R3HCC1: variants seen among roughly 807,000 people sequenced by gnomAD.
R3HCC1 encodes the protein R3H domain and coiled-coil containing 1, also known as R3H and coiled-coil domain-containing protein 1.
R3HCC1 carries 32 observed loss-of-function variants against 40.0 expected under a neutral mutation model. That is an observed-to-expected ratio of 0.80 (90% confidence interval 0.60 to 1.07). The LOEUF (loss-of-function observed/expected upper bound fraction) is 1.07, where lower values mean the gene tolerates loss of function less well. Ranked by LOEUF, R3HCC1 falls within the 50% of genes least tolerant of loss-of-function variation. R3HCC1 has a pLI of 0.00. For synonymous variants in R3HCC1, 237 were observed against 232.8 expected (o/e 1.02, Z -0.17); for missense variants, 586 against 563.3 (o/e 1.04, Z -0.41).
chr8:23,296,135 C>T lies in R3HCC1; in HGVS notation c.*38C>T, dbSNP rs573242608. ...CAACTGGCCTGGATCTGCGTCCCGA[C>T]GTAGCTGGCGCCCCCAACACCATAA... On this transcript the variant is annotated 3_prime_UTR_variant, in exon 8 of 8. Transcript: ENST00000265806. 98 of 1,529,796 alleles carry T rather than the reference C, an allele frequency of 6.4e-5. No homozygotes were observed. In the Admixed American group the frequency reaches 9.7e-4, roughly 15 times the overall value. The allele number at this position is 1,529,796 out of a possible 1,614,324, so 94.8% of individuals were successfully genotyped here.
chr8:23,292,135 T>C (rs1487508170), intron 5 of R3HCC1, among the ~76,000 whole-genome samples: 1 of 152,168 alleles, frequency 6.6e-6, no homozygotes, highest in East Asian at 1.9e-4. Context: ...TTCTTTCTCC[T>C]CTTTTTTTTT....
intron 5 of R3HCC1, 106 bp downstream of exon 5, chr8:23,291,639 G>C (rs1228031236): frequency 2.7e-6 from 4 of 1,481,664 alleles, no homozygotes; most frequent in Non-Finnish European, 3.6e-6. Context: ...GCTTCAGCAA[G>C]AGAGACAGAA....
At chr8:23,295,925 C>G (rs369282855) in intron 7 of R3HCC1, 42 bp from the exon 8 acceptor site, 1 of 1,516,726 alleles carries the variant, frequency 6.6e-7, no homozygotes, top group Non-Finnish European at 8.9e-7. Context: ...GAGGCAGCCA[C>G]GACCTTGTGT....
At chr8:23,291,886 C>A (rs970236136) in intron 5 of R3HCC1, among the ~76,000 whole-genome samples, 6 of 152,168 alleles carry the variant, frequency 3.9e-5, no homozygotes, top group Non-Finnish European at 8.8e-5. Flanking sequence ...CAGTGTGTCT[C>A]CAGCAGGCTA....
chr8:23,294,923 A>G (rs1157272173), intron 7 of R3HCC1, 59 bp downstream of exon 7: 11 of 1,215,010 alleles, frequency 9.1e-6, no homozygotes, highest in South Asian at 1.3e-5. Context: ...GCGTGCGAGC[A>G]TGTGTGTGTG....
rs1802832353 is a variant in R3HCC1, at chr8:23,290,165, G to A, written c.548G>A (p.Gly183Glu). Reference sequence around the variant, plus strand: ...GCTGGAGACCCCAACTCTGATCAGGGACTCCCTGTGCTGATGACTCAGGGA... The same window carrying A: ...GCTGGAGACCCCAACTCTGATCAGGAACTCCCTGTGCTGATGACTCAGGGA... The change falls in exon 4 of 8, where the codon GGA (glycine) becomes GAA (glutamate). Residue 183 changes from glycine to glutamate, a missense_variant. By Grantham distance (98) the Gly-to-Glu change is moderately conservative. Transcript: ENST00000265806. 5 of 1,551,538 alleles carry A rather than the reference G, an allele frequency of 3.2e-6. No homozygotes were observed. The highest frequency in any genetic ancestry group is 1.4e-5 in the African/African-American group (1 of 73,050).
In R3HCC1 at chr8:23,293,306, G is replaced by GA. The variant is rs1802912639; in HGVS notation, c.1031dup (p.Phe346ValfsTer8). On this transcript the variant is annotated frameshift_variant, in exon 6 of 8. Coordinates refer to ENST00000265806, the MANE Select transcript of R3HCC1 (RefSeq NM_001136108.3). LOFTEE classifies it high-confidence loss of function. ...TGTCTCCTCTCTCGCCGCACAGAGA[G>GA]AAGGGGTTCAGGATTCAGTGGGTGG... 1 of 1,551,448 alleles carries GA rather than the reference G, an allele frequency of 6.4e-7. No individual in the cohort carries two copies. Among genetic ancestry groups the GA allele is most frequent in the Admixed American group, 2.0e-5 (1 of 51,002 alleles).
rs891968939 is a variant in R3HCC1, at chr8:23,296,264, C to T, written c.*167C>T. 4 of 826,238 alleles carry T rather than the reference C, an allele frequency of 4.8e-6. No individual in the cohort carries two copies. The highest frequency in any genetic ancestry group is 2.9e-5 in the East Asian group (1 of 35,040). 51.2% of individuals were successfully genotyped at this position (826,238 alleles called of 1,614,324 possible). On this transcript the variant is annotated 3_prime_UTR_variant, in exon 8 of 8. Transcript: ENST00000265806. ...GAAATGGAGAAAAAATAAAAACTCA[C>T]GTTGTTCTAATGTGATCACTTTGAA...
chr8:23,296,213 G>C lies in R3HCC1; in HGVS notation c.*116G>C. 8 of 1,243,720 alleles carry C rather than the reference G, an allele frequency of 6.4e-6. No homozygotes were observed. Among genetic ancestry groups the C allele is most frequent in the Non-Finnish European group, 8.6e-6 (8 of 925,730 alleles). The allele number at this position is 1,243,720 out of a possible 1,614,324, so 77.0% of individuals were successfully genotyped here. A position where few individuals can be genotyped will look rare whatever the true frequency, so the allele number is the denominator to read the frequency against. ...CACCACCCTCGAGCTTCACCATGGGGTGTGGTGGGCTTTAGTTTAGTCCCA... is the reference window on the plus strand; with the variant it reads ...CACCACCCTCGAGCTTCACCATGGGCTGTGGTGGGCTTTAGTTTAGTCCCA... On this transcript the variant is annotated 3_prime_UTR_variant, in exon 8 of 8. Transcript: ENST00000265806.
intron 5 of R3HCC1, among the ~76,000 whole-genome samples, 166 bp downstream of exon 5, chr8:23,291,699 G>A (rs941307109): frequency 6.6e-6 from 1 of 152,242 alleles, no homozygotes; most frequent in Admixed American, 6.5e-5. Context: ...CTCCCTGCCG[G>A]CCGTCCCTCG....
At chr8:23,290,803 G>C (rs902807061) in intron 4 of R3HCC1, among the ~76,000 whole-genome samples, 1 of 152,166 alleles carries the variant, frequency 6.6e-6, no homozygotes, top group East Asian at 1.9e-4. Flanking sequence ...CTTGTGTTAC[G>C]GATGCCAGTC....
intron 6 of R3HCC1, among the ~76,000 whole-genome samples, chr8:23,294,169 G>A (rs901144479): frequency 2.6e-5 from 4 of 152,134 alleles, no homozygotes; most frequent in Non-Finnish European, 5.9e-5. Flanking sequence ...TTGTGGAAAG[G>A]AAGGCAGGGA....
At chr8:23,292,131 C>T (rs1178922253) in intron 5 of R3HCC1, among the ~76,000 whole-genome samples, 1 of 151,948 alleles carries the variant, frequency 6.6e-6, no homozygotes, top group South Asian at 2.1e-4. Context: ...GGCTTTCTTT[C>T]TCCTCTTTTT....
At chr8:23,291,286 T>A in intron 4 of R3HCC1, 75 bp from the exon 5 acceptor site, 1 of 1,490,268 alleles carries the variant, frequency 6.7e-7, no homozygotes, top group Non-Finnish European at 9.0e-7. Context: ...CCTGCAGAGC[T>A]CTCAGCGCGT....
At chr8:23,293,494 G>A in intron 6 of R3HCC1, 121 bp downstream of exon 6, 1 of 731,046 alleles carries the variant, frequency 1.4e-6, no homozygotes, top group Non-Finnish European at 2.2e-6. Flanking sequence ...AGTAGGCTCT[G>A]GGGGTTTTGT....
intron 7 of R3HCC1, 70 bp downstream of exon 7, chr8:23,294,934 T>TGC (rs1563180850): frequency 1.8e-6 from 2 of 1,101,624 alleles, no homozygotes; most frequent in African/African-American, 1.6e-5. Context: ...TGTGTGTGTG[T>TGC]GCGTGTGTGT....
At chr8:23,295,556 T>C (rs1802990189) in intron 7 of R3HCC1, 2 of 463,442 alleles carry the variant, frequency 4.3e-6, no homozygotes, top group Admixed American at 4.8e-5. Context: ...CCAGCTGTGC[T>C]CTCGTGGGTG....
chr8:23,288,959 C>T, intron 2 of R3HCC1, 57 bp from the exon 3 acceptor site: 3 of 1,524,848 alleles, frequency 2.0e-6, no homozygotes, highest in South Asian at 2.4e-5. Context: ...TGGGAGTGGA[C>T]CTGGTAGGGG....
rs766172645 is a variant in R3HCC1, at chr8:23,288,460, C to T, written c.-18-46C>T. The stretch of plus-strand genomic sequence containing the variant: ...CGGCGTTGCGGGGTCGCGGGAGATC[C>T]GGGGGTCTGTGCTCTGATTCCCGGC... On this transcript the variant is annotated intron_variant, in intron 1 of 7. Coordinates refer to ENST00000265806, the MANE Select transcript of R3HCC1 (RefSeq NM_001136108.3). 82 of 1,529,456 alleles carry T rather than the reference C, an allele frequency of 5.4e-5. No individual in the cohort carries two copies. In the African/African-American group the frequency reaches 9.2e-4, roughly 17 times the overall value. The allele number at this position is 1,529,456 out of a possible 1,614,324, so 94.7% of individuals were successfully genotyped here.
Sources: allele counts gnomAD v4.1 joint callset (sites outside exome capture counted in the v4.1 genomes callset), GRCh38; gene constraint gnomAD v4.1.1; transcripts MANE v1.5; gene names NCBI Gene and HGNC (gene_info 2026-07-23, HGNC 2026-07-21).